The following SLC4A5 variants were observed in gnomAD, a reference collection of about 807,000 sequenced individuals.
SLC4A5 encodes the protein solute carrier family 4 member 5.
A neutral mutation model predicts 120.4 loss-of-function variants in SLC4A5; 96 were observed. The observed-to-expected ratio is 0.80, with a 90% CI of 0.68 to 0.94. The LOEUF is 0.94. Ranked by LOEUF, SLC4A5 falls within the 40% of genes least tolerant of loss-of-function variation. The pLI, the probability that SLC4A5 is intolerant of heterozygous loss-of-function variation, is 0.00. For synonymous variants in SLC4A5, 550 were observed against 571.1 expected, an observed-to-expected ratio of 0.96 and a Z score of 0.53; for missense variants, 1,259 against 1,459.5, an observed-to-expected ratio of 0.86 and a Z score of 2.24.
At chr2:74,262,935 T>G (rs1005104596) in intron 10 of SLC4A5, among the ~76,000 whole-genome samples, 2 of 152,198 alleles carry the variant, frequency 1.3e-5, no homozygotes, top group Admixed American at 6.5e-5. Context: ...TTTGTGAGGA[T>G]GAAGTGAGTT....
exon 18 of SLC4A5, chr2:74,248,383 A>C: frequency 6.2e-7 from 1 of 1,614,166 alleles, no homozygotes; most frequent in Non-Finnish European, 8.5e-7. Context: ...CTTCTCAAAG[A>C]TGAGGATGGG....
chr2:74,302,008 T>G (rs1672486793), intron 7 of SLC4A5, among the ~76,000 whole-genome samples: 1 of 152,224 alleles, frequency 6.6e-6, no homozygotes, highest in Admixed American at 6.5e-5. Context: ...GGGTTATAAT[T>G]CATAATTGGA....
At chr2:74,325,724 T>C (rs181382675) in intron 5 of SLC4A5, among the ~76,000 whole-genome samples, 126 of 152,244 alleles carry the variant, frequency 8.3e-4, no homozygotes, top group Non-Finnish European at 1.3e-3. Context: ...CCACATTTTA[T>C]AGATGAGTAA....
At chr2:74,243,547 A>T (rs1356303486) in intron 19 of SLC4A5, among the ~76,000 whole-genome samples, 2 of 152,226 alleles carry the variant, frequency 1.3e-5, no homozygotes, top group South Asian at 2.1e-4. Context: ...AGTGACCAAA[A>T]GAACATGATG....
chr2:74,257,585 T>C (rs1385819491), intron 12 of SLC4A5, among the ~76,000 whole-genome samples: 5 of 151,986 alleles, frequency 3.3e-5, no homozygotes, highest in African/African-American at 1.2e-4. Context: ...TGTTGTTGTT[T>C]TGATTTGTTT....
At position 74,260,426 on chromosome 2, in the gene SLC4A5, G is replaced by A. The variant is rs1671099383; in HGVS notation, c.812-783C>T. Among the ~76,000 whole-genome samples the A allele has an allele frequency of 2.6e-5, 4 of 152,054 alleles. 1 individual carries two copies. In the South Asian group the frequency reaches 6.2e-4, roughly 24 times the overall value. Reference sequence around the variant, plus strand: ...CCGCTGGTCAATCGCTCCCACTCCTGTTGTTTCCAACACCCATTTGGGCTG... The same window carrying A: ...CCGCTGGTCAATCGCTCCCACTCCTATTGTTTCCAACACCCATTTGGGCTG... On this transcript the variant is annotated intron_variant, in intron 11 of 30. Transcript: ENST00000394019.
At chr2:74,264,351 G>A in intron 9 of SLC4A5, 52 bp from the exon 10 acceptor site, 3 of 1,552,956 alleles carry the variant, frequency 1.9e-6, no homozygotes, top group Non-Finnish European at 2.6e-6. Context: ...CAGCTCCAGG[G>A]TATGGAAGTC....
At chr2:74,337,174 C>T (rs1409716366) in intron 3 of SLC4A5, among the ~76,000 whole-genome samples, 1 of 152,190 alleles carries the variant, frequency 6.6e-6, no homozygotes, top group Non-Finnish European at 1.5e-5. Flanking sequence ...AGCAGCATCC[C>T]TCACAATCTG....
rs769959952 is a variant in SLC4A5, at chr2:74,253,153, A to G, written c.1114-25T>C. 1.5e-5 allele frequency: 24 copies of G among 1,613,398 alleles called. No homozygotes were observed. In the East Asian group the frequency reaches 5.1e-4, roughly 34 times the overall value. ...GCTGGCGAGGAGAGAGGAGGGAGAA[A>G]AGAAAGATCGGGTCTGTTTCTGAAA... On this transcript the variant is annotated intron_variant, in intron 14 of 30. Transcript: ENST00000394019.
intron 5 of SLC4A5, among the ~76,000 whole-genome samples, chr2:74,326,771 A>T (rs1391107260): frequency 6.6e-6 from 1 of 152,192 alleles, no homozygotes; most frequent in Non-Finnish European, 1.5e-5. Context: ...GTGAGCTGAG[A>T]TGGCACCACT....
intron 24 of SLC4A5, among the ~76,000 whole-genome samples, chr2:74,231,706 C>T (rs187276109): frequency 4.4e-4 from 67 of 152,324 alleles, no homozygotes; most frequent in African/African-American, 1.6e-3. Context: ...AGATAAAATG[C>T]TATTACTCTG....
intron 30 of SLC4A5, among the ~76,000 whole-genome samples, chr2:74,220,243 GC>G (rs1694582667): frequency 6.6e-6 from 1 of 152,172 alleles, no homozygotes; most frequent in South Asian, 2.1e-4. Context: ...TTCACGGGTG[GC>G]TTCTCATGAA....
chr2:74,273,639 A>G (rs1671543859), intron 8 of SLC4A5, among the ~76,000 whole-genome samples: 1 of 152,242 alleles, frequency 6.6e-6, no homozygotes, highest in Non-Finnish European at 1.5e-5. Flanking sequence ...TTCATTTCTT[A>G]AAAGTAAGAA....
intron 6 of SLC4A5, among the ~76,000 whole-genome samples, chr2:74,305,172 A>C (rs1339290357): frequency 6.6e-6 from 1 of 152,190 alleles, no homozygotes; most frequent in African/African-American, 2.4e-5. Flanking sequence ...TGTAAACTAA[A>C]ATTTCTAAGA....
In SLC4A5 at chr2:74,255,791, C is replaced by T; in HGVS notation, c.1009G>A (p.Val337Met). Reference sequence around the variant, plus strand: ...GGCTCTCACCTGGTGGGGACAGGCACCTCGGTCACTCCTCCCAGCATGGCC... The same window carrying T: ...GGCTCTCACCTGGTGGGGACAGGCATCTCGGTCACTCCTCCCAGCATGGCC... Residue 337 changes from valine to methionine, a missense_variant, in exon 13 of 31, where the codon GTG becomes ATG. Transcript: ENST00000394019. The surrounding 1 kb of genome is among the most constrained non-coding windows in gnomAD (Gnocchi z 4.0). 2 of 1,614,134 alleles carry T rather than the reference C, an allele frequency of 1.2e-6. No individual in the cohort carries two copies. The highest frequency in any genetic ancestry group is 1.7e-6 in the Non-Finnish European group (2 of 1,180,016).
intron 11 of SLC4A5, 57 bp downstream of exon 11, chr2:74,262,080 G>A: frequency 6.5e-7 from 1 of 1,527,978 alleles, no homozygotes; most frequent in Non-Finnish European, 9.0e-7. Context: ...ATGTGGCCAT[G>A]TCACAGCTGC....
At chr2:74,325,298 A>G (rs370557300) in intron 5 of SLC4A5, among the ~76,000 whole-genome samples, 4 of 152,388 alleles carry the variant, frequency 2.6e-5, no homozygotes, top group East Asian at 1.9e-4. Context: ...TCTACAAACT[A>G]TAGAAGTATG....
At chr2:74,307,939 A>T (rs1672696858) in intron 6 of SLC4A5, 3 of 518,352 alleles carry the variant, frequency 5.8e-6, no homozygotes, top group South Asian at 4.7e-5. Context: ...CAGGCGCCGT[A>T]GCTGGGTGGC....
chr2:74,233,444 C>T, exon 23 of SLC4A5: 1 of 1,614,262 alleles, frequency 6.2e-7, no homozygotes, highest in Non-Finnish European at 8.5e-7. Context: ...CGGCAGTGAT[C>T]TGCTGGTCCA....
Sources: allele counts gnomAD v4.1 joint callset (sites outside exome capture counted in the v4.1 genomes callset), GRCh38; gene constraint gnomAD v4.1.1; non-coding constraint Gnocchi (gnomAD v3.1); transcripts MANE v1.5; gene names NCBI Gene and HGNC (gene_info 2026-07-23, HGNC 2026-07-21).